The following EPM2A variants were observed in gnomAD, a reference collection of about 807,000 sequenced individuals.
The protein encoded by EPM2A is laforin.
A neutral mutation model predicts 26.5 loss-of-function variants in EPM2A; 21 were observed. The observed-to-expected ratio is 0.79, with a 90% CI of 0.56 to 1.14. The LOEUF is 1.14. Ranked by LOEUF, EPM2A falls within the 50% of genes most tolerant of loss-of-function variation. EPM2A has a pLI of 0.00. For missense variants in EPM2A, 458 were observed against 440.8 expected (o/e 1.04, Z -0.35); for synonymous variants, 217 against 177.6 (o/e 1.22, Z -1.76).
chr6:145,690,833 A>AC (rs1781236143), intron 1 of EPM2A, among the ~76,000 whole-genome samples: 1 of 152,152 alleles, frequency 6.6e-6, no homozygotes, highest in Non-Finnish European at 1.5e-5. Flanking sequence ...GAACTGAAAA[A>AC]CACAATATTT....
At chr6:145,543,286 C>CA (rs1268249159) in intron 2 of EPM2A, among the ~76,000 whole-genome samples, 3 of 151,824 alleles carry the variant, frequency 2.0e-5, no homozygotes, top group African/African-American at 7.3e-5. Context: ...ACCATCAGTT[C>CA]AAAGAATGAT....
At chr6:145,608,119 G>A (rs1186232941) in intron 2 of EPM2A, among the ~76,000 whole-genome samples, 1 of 152,128 alleles carries the variant, frequency 6.6e-6, no homozygotes, top group East Asian at 1.9e-4. Flanking sequence ...GATATTTCGA[G>A]AGAGAGAGAC....
At chr6:145,420,064 A>C (rs1778762381) in intron 4 of EPM2A, among the ~76,000 whole-genome samples, 1 of 152,140 alleles carries the variant, frequency 6.6e-6, no homozygotes, top group African/African-American at 2.4e-5. Flanking sequence ...CTTTGACAGG[A>C]TCATCTTCTG....
intron 1 of EPM2A, among the ~76,000 whole-genome samples, chr6:145,697,689 A>G (rs1781686966): frequency 6.6e-6 from 1 of 152,190 alleles, no homozygotes; most frequent in South Asian, 2.1e-4. Context: ...AAAAGAATTC[A>G]GCAATATTTC....
chr6:145,457,198 G>A (rs896880555), intron 4 of EPM2A, among the ~76,000 whole-genome samples: 2 of 152,160 alleles, frequency 1.3e-5, no homozygotes, highest in Non-Finnish European at 2.9e-5. Flanking sequence ...GTTGAAACAA[G>A]ATAATTCTGC....
At chr6:145,431,478 A>T (rs1401585377) in intron 4 of EPM2A, among the ~76,000 whole-genome samples, 1 of 152,160 alleles carries the variant, frequency 6.6e-6, no homozygotes, top group Non-Finnish European at 1.5e-5. Context: ...GAGCCACATA[A>T]TTTTTTTGTT....
chr6:145,718,535 T>A (rs979290010), intron 1 of EPM2A, among the ~76,000 whole-genome samples: 1 of 152,058 alleles, frequency 6.6e-6, no homozygotes, highest in Admixed American at 6.6e-5. Context: ...AACCTAGGCA[T>A]TACCATTCAG....
At chr6:145,584,115 T>G (rs920600007) in intron 2 of EPM2A, among the ~76,000 whole-genome samples, 1 of 152,206 alleles carries the variant, frequency 6.6e-6, no homozygotes, top group Non-Finnish European at 1.5e-5. Context: ...TTCACCCATG[T>G]GCGTGCATCG....
intron 4 of EPM2A, among the ~76,000 whole-genome samples, chr6:145,400,061 A>G (rs934207719): frequency 6.6e-6 from 1 of 152,166 alleles, no homozygotes; most frequent in Non-Finnish European, 1.5e-5. Flanking sequence ...GCCCACTCCC[A>G]TTCCCATCTG....
chr6:145,708,687 A>C (rs1037692430), intron 1 of EPM2A, among the ~76,000 whole-genome samples: 9 of 152,166 alleles, frequency 5.9e-5, no homozygotes, highest in African/African-American at 1.2e-4. Context: ...CTCATGCAGA[A>C]CCTCTGCTAG....
At chr6:145,725,855 G>C (rs1362097711) in intron 1 of EPM2A, among the ~76,000 whole-genome samples, 3 of 151,910 alleles carry the variant, frequency 2.0e-5, no homozygotes, top group Non-Finnish European at 2.9e-5. Flanking sequence ...ATGACACTGT[G>C]CATCATCAAA....
intron 2 of EPM2A, among the ~76,000 whole-genome samples, chr6:145,528,331 A>G (rs2114780917): frequency 6.6e-6 from 1 of 152,316 alleles, no homozygotes; most frequent in Middle Eastern, 3.4e-3. Context: ...GCCATGTAGA[A>G]CTTTCATAGC....
intron 2 of EPM2A, among the ~76,000 whole-genome samples, chr6:145,610,213 CAAA>C (rs201175075): frequency 1.8e-5 from 2 of 108,424 alleles, no homozygotes; most frequent in Admixed American, 9.8e-5. Context: ...GACTCCGTCT[CAAA>C]AAAAAAAAAA....
rs546460978 is a variant in EPM2A at position 145,486,871 on chromosome 6, T to C, written c.555+15651A>G. On this transcript the variant is annotated intron_variant, in intron 4 of 4. Transcript: ENST00000638717. ...TTTATTTTAAATTCAGGGGTACGTGTACAGGATGCGCAGGTTTGTTATATA... is the reference window on the plus strand; with the variant it reads ...TTTATTTTAAATTCAGGGGTACGTGCACAGGATGCGCAGGTTTGTTATATA... Among the ~76,000 whole-genome samples the C allele has an allele frequency of 1.6e-3, 238 of 152,274 alleles. 1 individual carries two copies. The highest frequency in any genetic ancestry group is 6.8e-3 in the Middle Eastern group (2 of 294).
intron 2 of EPM2A, among the ~76,000 whole-genome samples, chr6:145,518,595 C>CAAAAA (rs55802475): frequency 9.7e-6 from 1 of 102,670 alleles, no homozygotes; most frequent in Non-Finnish European, 2.0e-5. Context: ...TGAAATGCAC[C>CAAAAA]AAAAAAAAAA....
intron 2 of EPM2A, among the ~76,000 whole-genome samples, chr6:145,642,048 C>A (rs1043778113): frequency 6.6e-6 from 1 of 151,942 alleles, no homozygotes; most frequent in Non-Finnish European, 1.5e-5. Context: ...CATATATAGC[C>A]CTGAAATTTG....
intron 1 of EPM2A, among the ~76,000 whole-genome samples, chr6:145,689,102 C>T (rs1293656417): frequency 6.6e-6 from 1 of 152,132 alleles, no homozygotes; most frequent in Non-Finnish European, 1.5e-5. Flanking sequence ...TATGTGTCAT[C>T]ATCTTCATAA....
At chr6:145,669,581 A>C (rs533856716) in intron 2 of EPM2A, among the ~76,000 whole-genome samples, 273 of 152,326 alleles carry the variant, frequency 1.8e-3, no homozygotes, top group Middle Eastern at 6.8e-3. Flanking sequence ...TGGTTCACAT[A>C]ATAGATTTAA....
chr6:145,498,487 T>C (rs1011642388), downstream of EPM2A, among the ~76,000 whole-genome samples: 1 of 152,204 alleles, frequency 6.6e-6, no homozygotes, highest in African/African-American at 2.4e-5. Flanking sequence ...CACAGCTCTG[T>C]GTGTCAGACT....
Sources: gnomAD v4.1 joint callset for allele counts (sites outside exome capture counted in the v4.1 genomes callset) on GRCh38, gnomAD v4.1.1 for gene constraint, MANE v1.5 for transcripts, NCBI Gene and HGNC (gene_info 2026-07-23, HGNC 2026-07-21) for gene names.